The following DAB1 variants were observed in gnomAD, a reference collection of about 807,000 sequenced individuals.
The protein encoded by DAB1 is DAB adaptor protein 1, also known as disabled homolog 1.
A neutral mutation model predicts 64.6 loss-of-function variants in DAB1; 15 were observed. The observed-to-expected ratio is 0.23, with a 90% confidence interval of 0.16 to 0.36. The LOEUF (loss-of-function observed/expected upper bound fraction) is 0.36, where lower values mean the gene tolerates loss of function less well. Among genes scored for constraint, DAB1 ranks in the 10% least tolerant of loss-of-function variants. The pLI, the probability that DAB1 is intolerant of heterozygous loss-of-function variation, is 1.00. For synonymous variants in DAB1, 235 were observed against 251.9 expected, an observed-to-expected ratio of 0.93 and a Z score of 0.64; for missense variants, 596 against 706.7, an observed-to-expected ratio of 0.84 and a Z score of 1.78.
chr1:57,476,270 T>G (rs61572023), intron 7 of DAB1, among the ~76,000 whole-genome samples: 1 of 149,878 alleles, frequency 6.7e-6, no homozygotes. Flanking sequence ...AAAACCAGTA[T>G]AGTCATGAAT....
intron 7 of DAB1, among the ~76,000 whole-genome samples, chr1:57,476,620 C>T (rs548706250): frequency 1.8e-4 from 27 of 152,298 alleles, no homozygotes; most frequent in Non-Finnish European, 3.8e-4. Flanking sequence ...TTTCAGCGTG[C>T]TGCACATATA....
chr1:57,468,000 C>T (rs1303294894), intron 7 of DAB1, among the ~76,000 whole-genome samples: 1 of 152,180 alleles, frequency 6.6e-6, no homozygotes, highest in East Asian at 1.9e-4. Context: ...AGACACTATT[C>T]CTGAACTCCT....
At chr1:58,470,817 G>A (rs551455145) in intron 3 of DAB1, among the ~76,000 whole-genome samples, 1 of 152,166 alleles carries the variant, frequency 6.6e-6, no homozygotes, top group South Asian at 2.1e-4. Context: ...ATGACTGAGA[G>A]CTCCCTACTC....
At chr1:58,352,677 T>C (rs1029208074) in intron 3 of DAB1, among the ~76,000 whole-genome samples, 3 of 152,200 alleles carry the variant, frequency 2.0e-5, no homozygotes, top group South Asian at 2.1e-4. Context: ...TGTGGTCTAC[T>C]GCTATGGCCT....
intron 5 of DAB1, among the ~76,000 whole-genome samples, chr1:58,145,302 G>C (rs1654526908): frequency 6.6e-6 from 1 of 152,192 alleles, no homozygotes; most frequent in Non-Finnish European, 1.5e-5. Flanking sequence ...CAATGTGCCT[G>C]GCACATTTGG....
At chr1:57,947,843 C>G (rs11207133) in intron 5 of DAB1, among the ~76,000 whole-genome samples, 61,473 of 152,044 alleles carry the variant, frequency 0.4, 13,572 homozygotes, top group Admixed American at 0.51. Flanking sequence ...TTCAGATCGT[C>G]AGTATGTCCT....
Position 57,621,813 on chromosome 1 carries a change from T to TA in DAB1, n.625+27778dup, listed in dbSNP as rs576329527. 7.4e-4 allele frequency among the ~76,000 whole-genome samples: 112 copies of TA among 152,330 alleles called. 2 individuals are homozygous for TA. Among genetic ancestry groups the TA allele is most frequent in the African/African-American group, 2.6e-3 (108 of 41,590 alleles). Reference sequence around the variant, plus strand: ...TTTCATTGCCAGGTTCCTTGCCTGATACAGATAGGCCCCCAATTACTTCTT... The same window carrying TA: ...TTTCATTGCCAGGTTCCTTGCCTGATAACAGATAGGCCCCCAATTACTTCTT... On this transcript the variant is annotated intron_variant and non_coding_transcript_variant, in intron 7 of 20. Transcript: ENST00000485760.
At chr1:58,154,940 C>T (rs1655139785) in intron 4 of DAB1, among the ~76,000 whole-genome samples, 1 of 152,180 alleles carries the variant, frequency 6.6e-6, no homozygotes, top group Non-Finnish European at 1.5e-5. Flanking sequence ...TTGCAAGAAG[C>T]AGCTACTACC....
At chr1:58,439,894 T>C (rs1196272912) in intron 3 of DAB1, among the ~76,000 whole-genome samples, 3 of 150,992 alleles carry the variant, frequency 2.0e-5, no homozygotes, top group African/African-American at 7.2e-5. Context: ...TCCTGCCTAC[T>C]TTTTCTCATA....
chr1:57,355,864 A>G (rs551686544), intron 1 of DAB1, among the ~76,000 whole-genome samples: 1 of 135,062 alleles, frequency 7.4e-6, no homozygotes, highest in Non-Finnish European at 1.6e-5. Flanking sequence ...TTTTTGTTAA[A>G]CCTCAATAAA....
chr1:57,344,629 G>A (rs1677935957), intron 1 of DAB1, among the ~76,000 whole-genome samples: 1 of 151,826 alleles, frequency 6.6e-6, no homozygotes, highest in African/African-American at 2.4e-5. Context: ...GCAAAAACAA[G>A]CAGAAGCAGT....
At chr1:57,330,485 C>G (rs1338258069) in intron 1 of DAB1, among the ~76,000 whole-genome samples, 4 of 152,140 alleles carry the variant, frequency 2.6e-5, no homozygotes, top group African/African-American at 9.7e-5. Context: ...TCTTACTGAG[C>G]CTCGGTTTCC....
At chr1:58,357,765 C>G (rs1644124978) in intron 3 of DAB1, among the ~76,000 whole-genome samples, 1 of 152,006 alleles carries the variant, frequency 6.6e-6, no homozygotes, top group African/African-American at 2.4e-5. Flanking sequence ...GTAGAGACCT[C>G]ATTTTTCCTA....
intron 3 of DAB1, among the ~76,000 whole-genome samples, chr1:58,479,206 T>C (rs1356332625): frequency 6.6e-6 from 1 of 152,230 alleles, no homozygotes; most frequent in Non-Finnish European, 1.5e-5. Context: ...AATCTAATGC[T>C]GTGTTTTACT....
At chr1:58,453,408 G>GT (rs1645160608) in intron 3 of DAB1, among the ~76,000 whole-genome samples, 1 of 152,122 alleles carries the variant, frequency 6.6e-6, no homozygotes, top group Non-Finnish European at 1.5e-5. Context: ...AATAACAATG[G>GT]TGAATGGCTA....
intron 5 of DAB1, among the ~76,000 whole-genome samples, chr1:57,941,564 TGG>T (rs1557568102): frequency 6.6e-6 from 1 of 152,210 alleles, no homozygotes; most frequent in East Asian, 1.9e-4. Flanking sequence ...GGGCCGGGCA[TGG>T]TGGCTCACGC....
intron 12 of DAB1, among the ~76,000 whole-genome samples, chr1:57,012,841 C>T (rs983643283): frequency 6.6e-6 from 1 of 152,196 alleles, no homozygotes; most frequent in East Asian, 1.9e-4. Context: ...AGCTGAGTTG[C>T]CAGTTCTGGC....
At chr1:57,786,965 CAA>C (rs1557480566) in intron 6 of DAB1, among the ~76,000 whole-genome samples, 2 of 151,780 alleles carry the variant, frequency 1.3e-5, no homozygotes, top group African/African-American at 4.8e-5. Flanking sequence ...AAAAACGATG[CAA>C]ATTTTTATGC....
intron 3 of DAB1, among the ~76,000 whole-genome samples, chr1:58,403,963 A>G (rs929318552): frequency 6.6e-6 from 1 of 152,248 alleles, no homozygotes; most frequent in African/African-American, 2.4e-5. Flanking sequence ...TACATTATGG[A>G]AAAACTTGGA....
Sources: gnomAD v4.1 joint callset for allele counts (sites outside exome capture counted in the v4.1 genomes callset) on GRCh38, gnomAD v4.1.1 for gene constraint, MANE v1.5 for transcripts, NCBI Gene and HGNC (gene_info 2026-07-23, HGNC 2026-07-21) for gene names.